The following KDM3A variants were observed in gnomAD, a reference collection of about 807,000 sequenced individuals.
KDM3A encodes the protein lysine-specific demethylase 3A.
Under a neutral mutation model 158.0 loss-of-function variants are expected in KDM3A, and 60 were observed. The observed-to-expected ratio is 0.38, with a 90% CI of 0.31 to 0.47. The LOEUF (loss-of-function observed/expected upper bound fraction) is 0.47. Among genes scored for constraint, KDM3A ranks in the 20% least tolerant of loss-of-function variants. The probability of loss-of-function intolerance (pLI) is 0.99; values close to 1 mark genes in which losing one functional copy is unlikely to be tolerated. For missense variants in KDM3A, 1,319 were observed against 1,574.3 expected (o/e 0.84, Z 2.74); for synonymous variants, 608 against 549.3 (o/e 1.11, Z -1.49).
chr2:86,479,886 A>G (rs1244049414), intron 15 of KDM3A: 1 of 370,936 alleles, frequency 2.7e-6, no homozygotes, highest in Non-Finnish European at 4.9e-6. Flanking sequence ...TTAAACCAGC[A>G]TGGTACATAG....
chr2:86,458,030 T>A (rs1180867377), intron 8 of KDM3A, among the ~76,000 whole-genome samples: 1 of 152,226 alleles, frequency 6.6e-6, no homozygotes, highest in African/African-American at 2.4e-5. Flanking sequence ...TCCTGTGTTA[T>A]AATTATCAAA....
At chr2:86,468,111 A>C (rs542383255) in intron 10 of KDM3A, among the ~76,000 whole-genome samples, 1 of 152,318 alleles carries the variant, frequency 6.6e-6, no homozygotes, top group South Asian at 2.1e-4. Context: ...TATCTTTTTA[A>C]CTGCAGGCCT....
intron 11 of KDM3A, among the ~76,000 whole-genome samples, chr2:86,470,944 G>C (rs1385646096): frequency 6.6e-6 from 1 of 152,072 alleles, no homozygotes; most frequent in Non-Finnish European, 1.5e-5. Context: ...TTTTGTGACT[G>C]GAAGTAATGC....
Position 86,487,817 on chromosome 2 carries a change from G to A in KDM3A, c.3314-1501G>A, listed in dbSNP as rs1368097334. ...TCAGTTTACCATGGTTTAGAGTCTG[G>A]TTTTATCAATGTACAGTTACCCATG... On this transcript the variant is annotated intron_variant, in intron 21 of 25. Transcript: ENST00000312912. 3.9e-5 allele frequency: 6 copies of A among 152,184 alleles called. No homozygotes were observed. In the South Asian group the frequency reaches 1.0e-3, roughly 26 times the overall value. 9.4% of individuals were successfully genotyped at this position (152,184 alleles called of 1,614,324 possible).
rs1178416644 is a variant in KDM3A, at chr2:86,478,200, A to G, written c.2123A>G (p.Lys708Arg). The change falls in exon 14 of 26, where the codon AAA becomes AGA. Residue 708 changes from lysine (K) to arginine (R), a missense_variant. Lys to Arg is a conservative substitution (Grantham distance 26). This residue lies in a region of KDM3A where 368 missense variants were observed against 415.8 expected (regional missense o/e 0.89). Coordinates refer to ENST00000312912, the MANE Select transcript of KDM3A (RefSeq NM_018433.6). Reference protein sequence around the residue: ...GAAYKTFSWLKCVKSQIHEPE... With the variant: ...GAAYKTFSWLRCVKSQIHEPE... Reference sequence around the variant, plus strand: ...GCTTACAAGACTTTCTCTTGGCTAAAATGTGTGAAGAGTCAGATACATGAA... The same window carrying G: ...GCTTACAAGACTTTCTCTTGGCTAAGATGTGTGAAGAGTCAGATACATGAA... The G allele has an allele frequency of 1.9e-6, 3 of 1,614,096 alleles. No individual in the cohort carries two copies. Among genetic ancestry groups the G allele is most frequent in the Non-Finnish European group, 2.5e-6 (3 of 1,179,940 alleles).
intron 21 of KDM3A, chr2:86,486,904 C>A (rs1347874681): frequency 6.6e-6 from 1 of 152,374 alleles, no homozygotes; most frequent in African/African-American, 2.4e-5. Flanking sequence ...GTAGGGGTAC[C>A]AGAGAAATTG....
In KDM3A at chr2:86,474,676, AAAGT is replaced by A. The variant is rs1673571414; in HGVS notation, c.1725-97_1725-94del. The A allele has an allele frequency of 1.6e-5, 12 of 743,776 alleles. No homozygotes were observed. The East Asian group carries it at 3.4e-4, about 21-fold the overall frequency. 46.1% of individuals were successfully genotyped at this position (743,776 alleles called of 1,614,324 possible). A position where few individuals can be genotyped will look rare whatever the true frequency, so the allele number is the denominator to read the frequency against. On this transcript the variant is annotated intron_variant, in intron 11 of 25. Coordinates refer to ENST00000312912, the MANE Select transcript of KDM3A (RefSeq NM_018433.6). ...GAGACTCCATCCCAAAAAAAAAAAA[AAAGT>A]AATTACAAGTTGTAAATAAGTTGTG...
chr2:86,463,270 A>G (rs1573169863), intron 8 of KDM3A, among the ~76,000 whole-genome samples: 1 of 152,334 alleles, frequency 6.6e-6, no homozygotes, highest in South Asian at 2.1e-4. Flanking sequence ...AAATTTAAGC[A>G]CATGTGAGGA....
chr2:86,455,045 A>G (rs1672629243), intron 4 of KDM3A, 40 bp from the exon 5 acceptor site: 1 of 1,178,322 alleles, frequency 8.5e-7, no homozygotes. Flanking sequence ...TCTTCTTATT[A>G]ACTGTTACCC....
Position 86,470,426 on chromosome 2 carries a change from A to G in KDM3A, c.1724+18A>G. 1 of 1,608,034 alleles carries G rather than the reference A, an allele frequency of 6.2e-7. No individual in the cohort carries two copies. The highest frequency in any genetic ancestry group is 8.5e-7 in the Non-Finnish European group (1 of 1,174,582). ...TTCAGGAGGTGAGGCATTTTGGGAAAAGTTCAGATAATCTGGGCATACTTG... is the reference window on the plus strand; with the variant it reads ...TTCAGGAGGTGAGGCATTTTGGGAAGAGTTCAGATAATCTGGGCATACTTG... On this transcript the variant is annotated intron_variant, in intron 11 of 25. Transcript: ENST00000312912.
intron 21 of KDM3A, among the ~76,000 whole-genome samples, chr2:86,486,693 CTGT>C (rs1350408091): frequency 3.3e-5 from 5 of 152,146 alleles, no homozygotes; most frequent in Admixed American, 6.5e-5. Context: ...AGGACAAGGT[CTGT>C]TGTTGTCTTC....
At chr2:86,462,695 A>G (rs943573128) in intron 8 of KDM3A, among the ~76,000 whole-genome samples, 2 of 152,226 alleles carry the variant, frequency 1.3e-5, no homozygotes, top group African/African-American at 2.4e-5. Context: ...TTTTTCAGAT[A>G]TATCTGTATA....
chr2:86,442,359 A>T (rs1279253364), intron 2 of KDM3A, 126 bp downstream of exon 2: 1 of 869,352 alleles, frequency 1.2e-6, no homozygotes, highest in Non-Finnish European at 1.8e-6. Flanking sequence ...CTGAAGGTGC[A>T]GGAAGCTAGA....
At chr2:86,466,205 C>CT (rs1478000845) in intron 9 of KDM3A, among the ~76,000 whole-genome samples, 167 bp from the exon 10 acceptor site, 1 of 152,082 alleles carries the variant, frequency 6.6e-6, no homozygotes, top group Non-Finnish European at 1.5e-5. Flanking sequence ...TGACTGATGA[C>CT]TTTTAACTCT....
chr2:86,491,900 T>TGC lies in KDM3A; in HGVS notation c.3886-138_3886-137dup, dbSNP rs1012285956. The TGC allele has an allele frequency of 1.4e-5, 9 of 627,432 alleles. No homozygotes were observed. In the East Asian group the frequency reaches 1.9e-4, roughly 14 times the overall value. 38.9% of individuals were successfully genotyped at this position (627,432 alleles called of 1,614,324 possible). Reference sequence around the variant, plus strand: ...GGTCTGAAGGAGCCCAGGGACCTTTTGCAATGTTGACATTTCATACGAATA... The same window carrying TGC: ...GGTCTGAAGGAGCCCAGGGACCTTTTGCGCAATGTTGACATTTCATACGAATA... On this transcript the variant is annotated intron_variant, in intron 25 of 25. Coordinates refer to ENST00000312912, the MANE Select transcript of KDM3A (RefSeq NM_018433.6).
At chr2:86,440,337 T>C (rs1321298103), upstream of KDM3A, among the ~76,000 whole-genome samples, 1 of 152,158 alleles carries the variant, frequency 6.6e-6, no homozygotes, top group Non-Finnish European at 1.5e-5. Flanking sequence ...GAGGCATGAG[T>C]TCTTCTTAAG....
chr2:86,465,798 C>T (rs956724075), intron 9 of KDM3A, among the ~76,000 whole-genome samples: 6 of 151,828 alleles, frequency 4.0e-5, no homozygotes, highest in African/African-American at 1.2e-4. Flanking sequence ...GAATTTTTAT[C>T]TTGACACATT....
rs777000192 is a variant in KDM3A, at chr2:86,464,185, C to T, written c.976C>T (p.Pro326Ser). 2.5e-6 allele frequency: 4 copies of T among 1,608,754 alleles called. No individual in the cohort carries two copies. The highest frequency in any genetic ancestry group is 1.3e-5 in the African/African-American group (1 of 74,840). Residue 326 changes from proline to serine, a missense_variant, in exon 9 of 26, where the codon CCA becomes TCA. Physicochemically the swap from Pro to Ser is moderately conservative, Grantham distance 74 (BLOSUM62 -1). This residue lies in a region of KDM3A where 652 missense variants were observed against 627.2 expected (regional missense o/e 1.04). Coordinates refer to ENST00000312912, the MANE Select transcript of KDM3A (RefSeq NM_018433.6). The stretch of plus-strand genomic sequence containing the variant: ...AAGTACTCCCCAGGCTGCCAACTCT[C>T]CACCTAACCTTGGAGCAAAAATTCC... The part of the protein sequence containing the change: ...QQSTPQAANS[P>S]PNLGAKIPQG...
At chr2:86,456,635 T>A (rs1366844951) in intron 6 of KDM3A, 69 bp downstream of exon 6, 3 of 1,454,754 alleles carry the variant, frequency 2.1e-6, no homozygotes, top group Non-Finnish European at 1.9e-6. Context: ...GCATTTATGA[T>A]TTTCTAGGCA....
Sources: allele counts gnomAD v4.1 joint callset (sites outside exome capture counted in the v4.1 genomes callset), GRCh38; gene constraint gnomAD v4.1.1; regional missense constraint gnomAD v4.1.1; transcripts MANE v1.5; gene names NCBI Gene and HGNC (gene_info 2026-07-23, HGNC 2026-07-21).